The following SDK1 variants were observed in gnomAD, a reference collection of about 807,000 sequenced individuals.
SDK1 encodes the protein sidekick cell adhesion molecule 1, also known as protein sidekick-1.
SDK1 carries 157 observed loss-of-function variants against 245.5 expected under a neutral mutation model. That is an observed-to-expected ratio of 0.64 (90% confidence interval 0.56 to 0.73). SDK1 has a LOEUF of 0.73. Ranked by LOEUF, SDK1 falls within the 30% of genes least tolerant of loss-of-function variation. SDK1 has a pLI of 0.00. For synonymous variants in SDK1, 1,647 were observed against 1,278.5 expected (o/e 1.29, Z -6.15); for missense variants, 3,583 against 3,002.3 (o/e 1.19, Z -4.52).
chr7:3,632,238 G>C lies in SDK1; in HGVS notation c.459-6766G>C, dbSNP rs550290938. On this transcript the variant is annotated intron_variant, in intron 2 of 44. Coordinates refer to ENST00000404826, the MANE Select transcript of SDK1 (RefSeq NM_152744.4). The stretch of plus-strand genomic sequence containing the variant: ...ATCTGTGCTTCACTAAATATGGATT[G>C]CACATTTTCTGCCCCTGATTTAATA... Among the ~76,000 whole-genome samples the C allele has an allele frequency of 2.0e-5, 3 of 152,286 alleles. No homozygotes were observed. In the East Asian group the frequency reaches 5.8e-4, roughly 29 times the overall value.
intron 2 of SDK1, among the ~76,000 whole-genome samples, chr7:3,623,105 C>G (rs762961911): frequency 3.3e-5 from 5 of 152,112 alleles, no homozygotes; most frequent in Non-Finnish European, 7.3e-5. Flanking sequence ...TATTTTTCCC[C>G]ACTTTGGTGT....
intron 1 of SDK1, among the ~76,000 whole-genome samples, chr7:3,466,240 C>T (rs1229952613): frequency 6.6e-6 from 1 of 151,696 alleles, no homozygotes; most frequent in Non-Finnish European, 1.5e-5. Flanking sequence ...AGATTTTCAG[C>T]TTTATATGCT....
chr7:4,251,262 G>C (rs1182416726), intron 44 of SDK1, among the ~76,000 whole-genome samples: 2 of 152,156 alleles, frequency 1.3e-5, no homozygotes, highest in African/African-American at 4.8e-5. Context: ...TTCACTAGAA[G>C]GACTCACAGA....
intron 1 of SDK1, among the ~76,000 whole-genome samples, chr7:3,460,117 C>G (rs762321405): frequency 2.0e-5 from 3 of 152,098 alleles, no homozygotes; most frequent in Non-Finnish European, 4.4e-5. Context: ...TTTTCATAAA[C>G]TATTGCTTCC....
At chr7:3,609,211 C>G (rs1781514090) in intron 1 of SDK1, among the ~76,000 whole-genome samples, 1 of 152,122 alleles carries the variant, frequency 6.6e-6, no homozygotes, top group African/African-American at 2.4e-5. Context: ...AAATAAGTCA[C>G]ATAAACAAGA....
At chr7:3,417,420 G>C (rs866919077) in intron 1 of SDK1, among the ~76,000 whole-genome samples, 1 of 151,978 alleles carries the variant, frequency 6.6e-6, no homozygotes, top group Non-Finnish European at 1.5e-5. Flanking sequence ...TGTGTCCTTT[G>C]CCTATGCTGT....
At chr7:3,681,826 C>G (rs1784108983) in intron 4 of SDK1, among the ~76,000 whole-genome samples, 1 of 152,140 alleles carries the variant, frequency 6.6e-6, no homozygotes. Flanking sequence ...TGGATTAGAA[C>G]AAACAGAGGT....
At chr7:4,140,705 A>G (rs924365272) in intron 28 of SDK1, among the ~76,000 whole-genome samples, 1 of 152,162 alleles carries the variant, frequency 6.6e-6, no homozygotes, top group Non-Finnish European at 1.5e-5. Flanking sequence ...GTGAAATGGA[A>G]ACAGGAATAT....
chr7:3,931,713 C>G (rs1369076587), intron 5 of SDK1, among the ~76,000 whole-genome samples: 1 of 152,126 alleles, frequency 6.6e-6, no homozygotes, highest in Non-Finnish European at 1.5e-5. Flanking sequence ...TACCAAAGTG[C>G]CTAGTTTTTT....
At chr7:3,568,798 A>T (rs1427295146) in intron 1 of SDK1, among the ~76,000 whole-genome samples, 2 of 152,198 alleles carry the variant, frequency 1.3e-5, no homozygotes, top group Non-Finnish European at 2.9e-5. Context: ...GGATCTGATC[A>T]CCGGATCCCT....
chr7:3,361,784 G>A (rs983999685), intron 1 of SDK1, among the ~76,000 whole-genome samples: 4 of 152,070 alleles, frequency 2.6e-5, no homozygotes, highest in African/African-American at 7.2e-5. Context: ...GTATTGGTGC[G>A]TTTCTATTCT....
At chr7:3,870,557 T>C (rs1780931390) in intron 5 of SDK1, among the ~76,000 whole-genome samples, 1 of 146,998 alleles carries the variant, frequency 6.8e-6, no homozygotes, top group Non-Finnish European at 1.5e-5. Context: ...CCATTTACCT[T>C]TTTGTAAAAA....
At chr7:3,774,434 G>A (rs570863449) in intron 4 of SDK1, among the ~76,000 whole-genome samples, 213 of 152,274 alleles carry the variant, frequency 1.4e-3, no homozygotes, top group Non-Finnish European at 2.4e-3. Context: ...CCTGCAAACC[G>A]TATGCCAAGC....
intron 4 of SDK1, among the ~76,000 whole-genome samples, chr7:3,783,501 A>G (rs1286541204): frequency 1.3e-5 from 2 of 152,158 alleles, no homozygotes; most frequent in Non-Finnish European, 1.5e-5. Context: ...GTTGGAACTA[A>G]TAAACGAATA....
chr7:3,475,146 T>G (rs1401102269), intron 1 of SDK1, among the ~76,000 whole-genome samples: 1 of 152,184 alleles, frequency 6.6e-6, no homozygotes, highest in Admixed American at 6.5e-5. Flanking sequence ...TGTTCCATTC[T>G]CTCCCTTATG....
chr7:4,126,722 A>C (rs1584221318), intron 25 of SDK1, among the ~76,000 whole-genome samples: 1 of 152,234 alleles, frequency 6.6e-6, no homozygotes, highest in Non-Finnish European at 1.5e-5. Context: ...ATTTTCTTAC[A>C]TGTGTATGGG....
chr7:3,847,530 T>C (rs1234510716), intron 5 of SDK1, among the ~76,000 whole-genome samples: 1 of 152,166 alleles, frequency 6.6e-6, no homozygotes, highest in African/African-American at 2.4e-5. Context: ...AGCAAGCGTG[T>C]GGGATTGCAA....
intron 1 of SDK1, among the ~76,000 whole-genome samples, chr7:3,364,358 A>G (rs1457813263): frequency 2.0e-5 from 3 of 152,188 alleles, no homozygotes; most frequent in African/African-American, 7.2e-5. Flanking sequence ...AATTCTGCCT[A>G]GACTTGGATC....
intron 5 of SDK1, among the ~76,000 whole-genome samples, chr7:3,886,594 G>A (rs1781344971): frequency 6.6e-6 from 1 of 152,168 alleles, no homozygotes; most frequent in African/African-American, 2.4e-5. Context: ...TTTGGGTTGG[G>A]TATATTTTCC....
Sources: gnomAD v4.1 joint callset for allele counts (sites outside exome capture counted in the v4.1 genomes callset) on GRCh38, gnomAD v4.1.1 for gene constraint, MANE v1.5 for transcripts, NCBI Gene and HGNC (gene_info 2026-07-23, HGNC 2026-07-21) for gene names.